The following GRIK4 variants were observed in gnomAD, a reference collection of about 807,000 sequenced individuals.
GRIK4 encodes glutamate ionotropic receptor kainate type subunit 4, also known as glutamate receptor ionotropic, kainate 4.
GRIK4 carries 40 observed loss-of-function variants against 104.9 expected under a neutral mutation model. That is an observed-to-expected ratio of 0.38 (90% CI 0.30 to 0.50). GRIK4 has a LOEUF of 0.50. GRIK4 is among the 20% of genes least tolerant of loss of function. The pLI, the probability that GRIK4 is intolerant of heterozygous loss-of-function variation, is 0.93. For missense variants in GRIK4, 1,047 were observed against 1,308.1 expected, an observed-to-expected ratio of 0.80 and a Z score of 3.08; for synonymous variants, 485 against 524.9, an observed-to-expected ratio of 0.92 and a Z score of 1.04.
chr11:120,713,312 C>T (rs931840888), intron 3 of GRIK4, among the ~76,000 whole-genome samples: 2 of 152,084 alleles, frequency 1.3e-5, no homozygotes, highest in Admixed American at 1.3e-4. Flanking sequence ...GCTAAGCACA[C>T]CCCCTCCCAG....
Position 120,899,051 on chromosome 11 carries a change from G to A in GRIK4, c.1272+412G>A, listed in dbSNP as rs868413513. Among the ~76,000 whole-genome samples the A allele has an allele frequency of 4.0e-4, 61 of 152,294 alleles. 1 individual carries two copies. The highest frequency in any genetic ancestry group is 1.4e-3 in the African/African-American group (59 of 41,558). On this transcript the variant is annotated intron_variant, in intron 12 of 20. Coordinates refer to ENST00000527524, the MANE Select transcript of GRIK4 (RefSeq NM_014619.5). ...CCCTCCCCCACCACATCCTGAAGCG[G>A]ACATGGGAATGTCAGTGGGTTTACA...
intron 13 of GRIK4, among the ~76,000 whole-genome samples, chr11:120,916,963 C>T (rs559781916): frequency 7.2e-5 from 11 of 152,184 alleles, no homozygotes; most frequent in East Asian, 3.9e-4. Flanking sequence ...CCAGGCTTTC[C>T]GGCCAGGTGT....
intron 12 of GRIK4, among the ~76,000 whole-genome samples, chr11:120,899,891 T>C (rs1942685846): frequency 6.6e-6 from 1 of 152,234 alleles, no homozygotes; most frequent in African/African-American, 2.4e-5. Flanking sequence ...TTATCATTGC[T>C]AACTGTGCAA....
intron 3 of GRIK4, among the ~76,000 whole-genome samples, chr11:120,715,384 C>T (rs1217743740): frequency 1.3e-5 from 2 of 151,986 alleles, no homozygotes; most frequent in Admixed American, 6.6e-5. Flanking sequence ...AGCGGTGGGT[C>T]GTGTCTCATA....
chr11:120,766,100 T>G (rs1443934526), intron 3 of GRIK4, among the ~76,000 whole-genome samples: 1 of 152,190 alleles, frequency 6.6e-6, no homozygotes, highest in East Asian at 1.9e-4. Context: ...GGGAGTTTTA[T>G]CTATAAGCTG....
chr11:120,749,262 C>T (rs1017851491), intron 3 of GRIK4, among the ~76,000 whole-genome samples: 4 of 152,098 alleles, frequency 2.6e-5, no homozygotes, highest in African/African-American at 7.2e-5. Context: ...CAGATCACTC[C>T]AGGACTCCAA....
chr11:120,832,171 T>A lies in GRIK4; in HGVS notation c.690+141T>A. On this transcript the variant is annotated intron_variant, in intron 7 of 20. Transcript: ENST00000527524. ...CAAACCTCTCTCTGTGCTTCTGTTT[T>A]CAATGAGCGGTTCCCGAAAAATGAA... 3 of 564,880 alleles carry A rather than the reference T, an allele frequency of 5.3e-6. No homozygotes were observed. The South Asian group carries it at 8.6e-5, about 16-fold the overall frequency. The allele number at this position is 564,880 out of a possible 1,614,324, so 35.0% of individuals were successfully genotyped here.
At chr11:120,724,619 C>A (rs1950996112) in intron 3 of GRIK4, among the ~76,000 whole-genome samples, 2 of 152,224 alleles carry the variant, frequency 1.3e-5, no homozygotes, top group African/African-American at 4.8e-5. Flanking sequence ...AAGACTTTTG[C>A]ATGTTCTGCT....
intron 3 of GRIK4, among the ~76,000 whole-genome samples, chr11:120,753,498 A>T (rs777012350): frequency 5.9e-5 from 9 of 152,138 alleles, no homozygotes; most frequent in Non-Finnish European, 1.2e-4. Flanking sequence ...TAAAATTGGG[A>T]TCATGCGTAT....
intron 11 of GRIK4, among the ~76,000 whole-genome samples, chr11:120,878,602 C>T (rs901905039): frequency 5.1e-5 from 6 of 118,528 alleles, no homozygotes; most frequent in Admixed American, 3.2e-4. Context: ...TGATCATTCT[C>T]TTTATGCCCC....
chr11:120,577,986 C>G (rs1486061483), intron 1 of GRIK4, among the ~76,000 whole-genome samples: 1 of 152,200 alleles, frequency 6.6e-6, no homozygotes, highest in Non-Finnish European at 1.5e-5. Context: ...TGGCAGGGTC[C>G]TTTCCTTTCA....
chr11:120,853,008 C>T (rs1954011260), intron 8 of GRIK4, among the ~76,000 whole-genome samples: 1 of 152,160 alleles, frequency 6.6e-6, no homozygotes, highest in East Asian at 1.9e-4. Flanking sequence ...ACAGCCTTGA[C>T]TTCTTTCTAT....
chr11:120,895,520 A>G (rs1379898624), intron 11 of GRIK4, among the ~76,000 whole-genome samples: 2 of 152,124 alleles, frequency 1.3e-5, no homozygotes, highest in Non-Finnish European at 2.9e-5. Context: ...AAAGCTATGT[A>G]TTTGGACTTC....
chr11:120,976,274 C>A lies in GRIK4; in HGVS notation c.2396-5832C>A, dbSNP rs12276193. Among the ~76,000 whole-genome samples the A allele has an allele frequency of 6.4e-3, 977 of 152,292 alleles. 7 individuals are homozygous for A. The highest frequency in any genetic ancestry group is 0.022 in the African/African-American group (929 of 41,544). On this transcript the variant is annotated intron_variant, in intron 19 of 20. Coordinates refer to ENST00000527524, the MANE Select transcript of GRIK4 (RefSeq NM_014619.5). ...TTTGGATAAATTGCAAAATTTATCA[C>A]ATACCTCTCCCATCCCTCTTCTAGT...
At chr11:120,551,953 C>T (rs1413169940) in intron 1 of GRIK4, among the ~76,000 whole-genome samples, 2 of 152,178 alleles carry the variant, frequency 1.3e-5, no homozygotes, top group Non-Finnish European at 2.9e-5. Context: ...AGCCCTGCGG[C>T]CCTTCCCCCA....
rs373899123 is a variant in GRIK4 at position 120,713,356 on chromosome 11, C to G, written c.82+52956C>G. On this transcript the variant is annotated intron_variant, in intron 3 of 20. Transcript: ENST00000527524. The stretch of plus-strand genomic sequence containing the variant: ...CCTCTGCAGATTTTATCAGCATGCT[C>G]TGTGGGTTGTCATTCCTGGCACCTG... 8.5e-5 allele frequency among the ~76,000 whole-genome samples: 13 copies of G among 152,276 alleles called. No individual in the cohort carries two copies. In the South Asian group the frequency reaches 2.7e-3, roughly 32 times the overall value.
intron 9 of GRIK4, chr11:120,869,405 A>C (rs1592010745): frequency 6.6e-6 from 1 of 152,308 alleles, no homozygotes; most frequent in South Asian, 2.1e-4. Flanking sequence ...AGAGGAGACC[A>C]CAACCTTGAG....
intron 1 of GRIK4, among the ~76,000 whole-genome samples, chr11:120,603,109 G>C (rs1489629642): frequency 1.3e-5 from 2 of 152,240 alleles, no homozygotes; most frequent in African/African-American, 4.8e-5. Flanking sequence ...AATCTCCAGA[G>C]CTGAGGTCAC....
In GRIK4 at chr11:120,967,678, A is replaced by G. The variant is rs1423788039; in HGVS notation, c.2395+355A>G. ...TTTCCCATTCTTGCGTCTCTACAGT[A>G]TATTCTCCGCTACTAGCCAGAGTGA... On this transcript the variant is annotated intron_variant, in intron 19 of 20. Transcript: ENST00000527524. This position sits in a 1 kb window ranked among gnomAD's most constrained non-coding sequence, Gnocchi z 4.2. Among the ~76,000 whole-genome samples the G allele has an allele frequency of 1.3e-5, 2 of 152,126 alleles. No homozygotes were observed. The highest frequency in any genetic ancestry group is 2.9e-5 in the Non-Finnish European group (2 of 68,038).
Sources: allele counts gnomAD v4.1 joint callset (sites outside exome capture counted in the v4.1 genomes callset), GRCh38; gene constraint gnomAD v4.1.1; non-coding constraint Gnocchi (gnomAD v3.1); transcripts MANE v1.5; gene names NCBI Gene and HGNC (gene_info 2026-07-23, HGNC 2026-07-21).